The following NFIX variants were observed in gnomAD, a reference collection of about 807,000 sequenced individuals.
NFIX encodes the protein nuclear factor 1 X-type.
NFIX carries 2 observed loss-of-function variants against 53.3 expected under a neutral mutation model. The ratio of observed to expected loss-of-function variants is 0.04; its 90% CI spans 0.02 to 0.12. NFIX has a LOEUF of 0.12. NFIX is among the 10% of genes least tolerant of loss of function. NFIX has a pLI of 1.00. For missense variants in NFIX, 310 were observed against 674.5 expected (o/e 0.46, Z 5.99); for synonymous variants, 244 against 289.0 (o/e 0.84, Z 1.58).
chr19:13,032,626 A>G (rs2013900338), intron 2 of NFIX, among the ~76,000 whole-genome samples: 1 of 152,166 alleles, frequency 6.6e-6, no homozygotes, highest in South Asian at 2.1e-4. Flanking sequence ...TTCCCACCCT[A>G]AATCAGAGAA....
At position 13,008,310 on chromosome 19, in the gene NFIX, C is replaced by T. The variant is rs2012138896; in HGVS notation, c.27+12446C>T. On this transcript the variant is annotated intron_variant, in intron 1 of 10. Coordinates refer to ENST00000592199, the MANE Select transcript of NFIX (RefSeq NM_001365902.3). ...GCCCAGCCTGGGTTTTTTCATCCCC[C>T]TGGCAGGGCTGCATCCCTAAAGGTG... 2.0e-5 allele frequency among the ~76,000 whole-genome samples: 3 copies of T among 152,290 alleles called. No individual in the cohort carries two copies. In the Middle Eastern group the frequency reaches 0.01, roughly 518 times the overall value.
At chr19:13,041,094 A>G (rs1401264368) in intron 2 of NFIX, among the ~76,000 whole-genome samples, 1 of 152,208 alleles carries the variant, frequency 6.6e-6, no homozygotes, top group East Asian at 1.9e-4. Flanking sequence ...ACAGCATGAC[A>G]GTAACATGAG....
intron 2 of NFIX, among the ~76,000 whole-genome samples, chr19:13,063,551 GC>G (rs1051536223): frequency 1.3e-5 from 2 of 150,890 alleles, no homozygotes; most frequent in African/African-American, 4.9e-5. Context: ...CCCTTTCCCT[GC>G]CTCTCTCAGA....
chr19:13,057,215 C>T (rs940769409), intron 2 of NFIX, among the ~76,000 whole-genome samples: 2 of 152,208 alleles, frequency 1.3e-5, no homozygotes, highest in Non-Finnish European at 2.9e-5. Context: ...GGGACCTTCC[C>T]CTCCTCGGGT....
At position 13,002,466 on chromosome 19, in the gene NFIX, G is replaced by C. The variant is rs1456607337; in HGVS notation, c.27+6602G>C. On this transcript the variant is annotated intron_variant, in intron 1 of 10. Transcript: ENST00000592199. This position sits in a 1 kb window ranked among gnomAD's most constrained non-coding sequence, Gnocchi z 6.1. ...GGCCTGGGCCCCCTGAGTGGGCTTG[G>C]CCAGGGGGGCACAGGCCTGGCGGGT... Among the ~76,000 whole-genome samples, 2 of 152,092 alleles carry C rather than the reference G, an allele frequency of 1.3e-5. No individual in the cohort carries two copies. The highest frequency in any genetic ancestry group is 3.9e-4 in the East Asian group (2 of 5,142).
At chr19:13,075,502 C>T in intron 5 of NFIX, 33 bp from the exon 6 acceptor site, 1 of 1,611,220 alleles carries the variant, frequency 6.2e-7, no homozygotes, top group South Asian at 1.1e-5. Flanking sequence ...TCAGCCCATC[C>T]TTGGCCCATG....
rs2016000460 is a variant in NFIX, at chr19:13,060,412, C to T, written c.560-12635C>T. 6.6e-6 allele frequency among the ~76,000 whole-genome samples: 1 copy of T among 152,016 alleles called. No individual in the cohort carries two copies. Among genetic ancestry groups the T allele is most frequent in the African/African-American group, 2.4e-5 (1 of 41,398 alleles). On this transcript the variant is annotated intron_variant, in intron 2 of 10. Transcript: ENST00000592199. This position sits in a 1 kb window ranked among gnomAD's most constrained non-coding sequence, Gnocchi z 4.3. The stretch of plus-strand genomic sequence containing the variant: ...TGTGGGTGGGAGGGGCGTGGTCAGC[C>T]AGCCTTGCCTCCTGGGGCATCAGCT...
chr19:13,032,470 G>C (rs189151066), intron 2 of NFIX, among the ~76,000 whole-genome samples: 1 of 152,224 alleles, frequency 6.6e-6, no homozygotes, highest in Admixed American at 6.5e-5. Context: ...TGCATCGTTC[G>C]AGGACTCCTC....
Position 13,029,982 on chromosome 19 carries a change from G to A in NFIX, c.559+4430G>A, listed in dbSNP as rs187331511. ...CAAGCCTTTGCTGGATGCCCAACCC[G>A]ACTGTTGGCTCTGGGGTGAGTATGT... is the stretch of plus-strand genomic sequence containing the variant. On this transcript the variant is annotated intron_variant, in intron 2 of 10. Transcript: ENST00000592199. 3.2e-4 allele frequency among the ~76,000 whole-genome samples: 48 copies of A among 152,278 alleles called. No individual in the cohort carries two copies. The East Asian group carries it at 6.2e-3, about 20-fold the overall frequency.
At position 13,094,574 on chromosome 19, in the gene NFIX, G is replaced by GGA; in HGVS notation, c.1495-59_1495-58dup. 1 of 1,521,974 alleles carries GGA rather than the reference G, an allele frequency of 6.6e-7. No individual in the cohort carries two copies. Among genetic ancestry groups the GGA allele is most frequent in the Non-Finnish European group, 8.8e-7 (1 of 1,134,834 alleles). The allele number at this position is 1,521,974 out of a possible 1,614,324, so 94.3% of individuals were successfully genotyped here. Reference sequence around the variant, plus strand: ...AGGGGCCAGGTCACTGGGCCAGGTAGGAGTGAGATGGGACCTGCCCCAGCT... The same window carrying GGA: ...AGGGGCCAGGTCACTGGGCCAGGTAGGAGAGTGAGATGGGACCTGCCCCAGCT... On this transcript the variant is annotated intron_variant, in intron 10 of 10. Coordinates refer to ENST00000592199, the MANE Select transcript of NFIX (RefSeq NM_001365902.3). The surrounding 1 kb of genome is among the most constrained non-coding windows in gnomAD (Gnocchi z 4.3).
chr19:13,013,222 A>G lies in NFIX; in HGVS notation c.28-11799A>G, dbSNP rs969685009. Among the ~76,000 whole-genome samples, 2 of 151,870 alleles carry G rather than the reference A, an allele frequency of 1.3e-5. No individual in the cohort carries two copies. Among genetic ancestry groups the G allele is most frequent in the Non-Finnish European group, 2.9e-5 (2 of 67,980 alleles). ...CAGCACTTCCTGGGCAGGCCAGGGG[A>G]GAGGACGGAAAAGTGAAAAAAGAAC... On this transcript the variant is annotated intron_variant, in intron 1 of 10. Coordinates refer to ENST00000592199, the MANE Select transcript of NFIX (RefSeq NM_001365902.3). This position sits in a 1 kb window ranked among gnomAD's most constrained non-coding sequence, Gnocchi z 5.9.
rs940306177 is a variant in NFIX, at chr19:12,996,892, TG to T, written c.27+1031del. Reference sequence around the variant, plus strand: ...GCCTGTCGGGCCACCCAACTCTCCCTGGGCTGTGGCCTGAGGCTCTAAGAGG... The same window carrying T: ...GCCTGTCGGGCCACCCAACTCTCCCTGGCTGTGGCCTGAGGCTCTAAGAGG... On this transcript the variant is annotated intron_variant, in intron 1 of 10. Transcript: ENST00000592199. This position sits in a 1 kb window ranked among gnomAD's most constrained non-coding sequence, Gnocchi z 5.2. Among the ~76,000 whole-genome samples, 27 of 152,368 alleles carry T rather than the reference TG, an allele frequency of 1.8e-4. No individual in the cohort carries two copies. In the East Asian group the frequency reaches 5.2e-3, roughly 29 times the overall value.
intron 10 of NFIX, among the ~76,000 whole-genome samples, chr19:13,091,998 C>T (rs2018172091): frequency 6.6e-6 from 1 of 152,206 alleles, no homozygotes; most frequent in Non-Finnish European, 1.5e-5. Flanking sequence ...AGGAAGGAGT[C>T]CCAGCGGGGG....
chr19:13,029,656 C>T (rs150040073), intron 2 of NFIX, among the ~76,000 whole-genome samples: 87 of 152,264 alleles, frequency 5.7e-4, no homozygotes, highest in African/African-American at 2.0e-3. Context: ...AGAGCAGATT[C>T]GGCCTCCCCT....
Position 13,024,515 on chromosome 19 carries a change from C to T in NFIX, c.28-506C>T, listed in dbSNP as rs936576517. 5 of 1,512,490 alleles carry T rather than the reference C, an allele frequency of 3.3e-6. No homozygotes were observed. In the Admixed American group the frequency reaches 6.1e-5, roughly 19 times the overall value. 93.7% of individuals were successfully genotyped at this position (1,512,490 alleles called of 1,614,324 possible). A position where few individuals can be genotyped will look rare whatever the true frequency, so the allele number is the denominator to read the frequency against. ...TGTCTTCTTGGGGGCGGCCAAAAAT[C>T]GACCGGTGTCGGGGACCAGAGGCGG... On this transcript the variant is annotated intron_variant, in intron 1 of 10. Transcript: ENST00000592199.
Position 13,025,320 on chromosome 19 carries a change from C to T in NFIX, c.327C>T (p.Asp109=). The part of the protein sequence containing the change: ...KPPCCVLSNP[D]QKGKIRRIDC... The stretch of plus-strand genomic sequence containing the variant: ...CCTGCTGCGTGCTCTCCAACCCCGA[C>T]CAGAAGGGCAAGATCCGGCGGATTG... The change falls in exon 2 of 11, where the codon GAC becomes GAT. Residue 109 remains aspartate (D), a synonymous_variant. Transcript: ENST00000592199. The surrounding 1 kb of genome is among the most constrained non-coding windows in gnomAD (Gnocchi z 7.5). 1.2e-6 allele frequency: 2 copies of T among 1,614,118 alleles called. No homozygotes were observed. The highest frequency in any genetic ancestry group is 1.7e-6 in the Non-Finnish European group (2 of 1,179,952).
rs2018514632 is a variant in NFIX, at chr19:13,097,175, T to G, written c.*2526T>G. 1 of 150,628 alleles carries G rather than the reference T, an allele frequency of 6.6e-6. No homozygotes were observed. Among genetic ancestry groups the G allele is most frequent in the Admixed American group, 6.6e-5 (1 of 15,182 alleles). 9.3% of individuals were successfully genotyped at this position (150,628 alleles called of 1,614,324 possible). A position where few individuals can be genotyped will look rare whatever the true frequency, so the allele number is the denominator to read the frequency against. On this transcript the variant is annotated 3_prime_UTR_variant, in exon 11 of 11. Coordinates refer to ENST00000592199, the MANE Select transcript of NFIX (RefSeq NM_001365902.3). ...AAGCTGAGTGTTTTTCCCTTTTTTTTGTTCGTTTTTAGTTTTTTTTTTTTT... is the reference window on the plus strand; with the variant it reads ...AAGCTGAGTGTTTTTCCCTTTTTTTGGTTCGTTTTTAGTTTTTTTTTTTTT...
In NFIX at chr19:13,049,843, C is replaced by T. The variant is rs540330134; in HGVS notation, c.560-23204C>T. ...TCCTGATCTCGTGATCCGCTCACCT[C>T]GGCCTCCCAAAGTGTTGGGATTACA... On this transcript the variant is annotated intron_variant, in intron 2 of 10. Coordinates refer to ENST00000592199, the MANE Select transcript of NFIX (RefSeq NM_001365902.3). The surrounding 1 kb of genome is among the most constrained non-coding windows in gnomAD (Gnocchi z 4.5). 6.6e-6 allele frequency among the ~76,000 whole-genome samples: 1 copy of T among 152,320 alleles called. No individual in the cohort carries two copies. The highest frequency in any genetic ancestry group is 2.1e-4 in the South Asian group (1 of 4,824).
At position 13,025,176 on chromosome 19, in the gene NFIX, G is replaced by A. The variant is rs369196245; in HGVS notation, c.183G>A (p.Leu61=). 6.5e-4 allele frequency: 1,057 copies of A among 1,614,100 alleles called. No individual in the cohort carries two copies. Among genetic ancestry groups the A allele is most frequent in the Non-Finnish European group, 8.5e-4 (1,001 of 1,180,052 alleles). The stretch of plus-strand genomic sequence containing the variant: ...AGCGGGCGGTGAAGGACGAGCTGCT[G>A]GGCGAGAAGCCCGAGATCAAGCAGA... ...DEERAVKDEL[L]GEKPEIKQKW... is the part of the protein sequence containing the mutation. Residue 61 remains leucine (L), a synonymous_variant, in exon 2 of 11, where the codon CTG becomes CTA. Coordinates refer to ENST00000592199, the MANE Select transcript of NFIX (RefSeq NM_001365902.3). The surrounding 1 kb of genome is among the most constrained non-coding windows in gnomAD (Gnocchi z 7.5).
Sources: gnomAD v4.1 joint callset for allele counts (sites outside exome capture counted in the v4.1 genomes callset) on GRCh38, gnomAD v4.1.1 for gene constraint, Gnocchi (gnomAD v3.1) non-coding constraint, MANE v1.5 for transcripts, NCBI Gene and HGNC (gene_info 2026-07-23, HGNC 2026-07-21) for gene names.